CADPS2: variants seen among roughly 807,000 people sequenced by gnomAD.
The protein encoded by CADPS2 is calcium-dependent secretion activator 2.
CADPS2 carries 93 observed loss-of-function variants against 172.5 expected under a neutral mutation model. That is an observed-to-expected ratio of 0.54 (90% CI 0.46 to 0.64). The LOEUF (loss-of-function observed/expected upper bound fraction) is 0.64, where lower values mean the gene tolerates loss of function less well. CADPS2 is among the 30% of genes least tolerant of loss of function. The pLI is 0.00. For missense variants in CADPS2, 1,420 were observed against 1,565.9 expected (o/e 0.91, Z 1.57); for synonymous variants, 546 against 555.2 (o/e 0.98, Z 0.23).
chr7:122,814,003 G>T (rs1456065196), intron 1 of CADPS2, among the ~76,000 whole-genome samples: 1 of 151,888 alleles, frequency 6.6e-6, no homozygotes, highest in Non-Finnish European at 1.5e-5. Flanking sequence ...GTGTATACAA[G>T]GACGTAAGGG....
chr7:122,756,448 A>T (rs2093164796), intron 1 of CADPS2, among the ~76,000 whole-genome samples: 1 of 152,200 alleles, frequency 6.6e-6, no homozygotes, highest in African/African-American at 2.4e-5. Context: ...TAGGAAAGAG[A>T]TGTCAAAATT....
intron 1 of CADPS2, among the ~76,000 whole-genome samples, chr7:122,766,900 T>A (rs1240522505): frequency 6.6e-6 from 1 of 152,122 alleles, no homozygotes; most frequent in African/African-American, 2.4e-5. Flanking sequence ...CAAAGCTGTA[T>A]TTCCTACATA....
intron 3 of CADPS2, among the ~76,000 whole-genome samples, chr7:122,654,709 C>A (rs2079543565): frequency 6.6e-6 from 1 of 152,136 alleles, no homozygotes; most frequent in Admixed American, 6.6e-5. Context: ...TTCATGCCTG[C>A]TAACATAAGA....
At chr7:122,724,189 A>C (rs182282431) in intron 2 of CADPS2, among the ~76,000 whole-genome samples, 9 of 152,074 alleles carry the variant, frequency 5.9e-5, no homozygotes, top group African/African-American at 2.2e-4. Flanking sequence ...ATAATTGAAA[A>C]ATTAAAAAAT....
chr7:122,834,433 TGGGTGCAGGACAGC>T (rs1196434408), intron 1 of CADPS2, among the ~76,000 whole-genome samples: 1 of 151,950 alleles, frequency 6.6e-6, no homozygotes, highest in Non-Finnish European at 1.5e-5. Context: ...TGTCAAACAG[TGGGTGCAGGACAGC>T]GGGTGCAGCC....
In CADPS2 at chr7:122,492,988, G is replaced by C. The variant is rs559633309; in HGVS notation, c.1543-1568C>G. On this transcript the variant is annotated intron_variant, in intron 9 of 29. Coordinates refer to ENST00000449022, the MANE Select transcript of CADPS2 (RefSeq NM_017954.11). ...TAAGGAAACATAGTACCTTTCAATA[G>C]ACAGTGATTACTTCAATAGGACCCC... 1.8e-3 allele frequency among the ~76,000 whole-genome samples: 273 copies of C among 152,184 alleles called. 2 individuals are homozygous for C. The highest frequency in any genetic ancestry group is 6.3e-3 in the African/African-American group (260 of 41,520).
At chr7:122,668,097 A>G (rs1195772447) in intron 2 of CADPS2, among the ~76,000 whole-genome samples, 1 of 152,202 alleles carries the variant, frequency 6.6e-6, no homozygotes, top group Admixed American at 6.5e-5. Context: ...TTATCACATG[A>G]ACACAACAGA....
At chr7:122,423,484 A>G (rs962784167) in intron 17 of CADPS2, among the ~76,000 whole-genome samples, 1 of 152,142 alleles carries the variant, frequency 6.6e-6, no homozygotes, top group African/African-American at 2.4e-5. Flanking sequence ...CCAAAAGCCA[A>G]CTTACTTTTT....
rs954576296 is a variant in CADPS2, at chr7:122,653,101, T to G, written c.786+10136A>C. Among the ~76,000 whole-genome samples, 10 of 152,172 alleles carry G rather than the reference T, an allele frequency of 6.6e-5. No homozygotes were observed. In the South Asian group the frequency reaches 1.4e-3, roughly 22 times the overall value. On this transcript the variant is annotated intron_variant, in intron 3 of 29. Coordinates refer to ENST00000449022, the MANE Select transcript of CADPS2 (RefSeq NM_017954.11). The stretch of plus-strand genomic sequence containing the variant: ...ATGTGGCAGCCCTGGCAAGGCTCCC[T>G]TCCCATTCGTGTCCTTTCCTTCTTG...
Position 122,532,213 on chromosome 7 carries a change from G to A in CADPS2, c.1476-18898C>T, listed in dbSNP as rs188849070. Among the ~76,000 whole-genome samples the A allele has an allele frequency of 2.1e-3, 315 of 152,110 alleles. 3 individuals are homozygous for A. The highest frequency in any genetic ancestry group is 3.7e-3 in the Non-Finnish European group (254 of 67,968). On this transcript the variant is annotated intron_variant, in intron 8 of 29. Coordinates refer to ENST00000449022, the MANE Select transcript of CADPS2 (RefSeq NM_017954.11). ...TCAAATTGTTCCTTTTTGAGGAGGA[G>A]ATAAAAATGACCATTCAACTAACTA...
chr7:122,675,783 C>T (rs2471181), intron 2 of CADPS2, among the ~76,000 whole-genome samples: 21,298 of 151,960 alleles, frequency 0.14, 1,580 homozygotes, highest in Non-Finnish European at 0.16. Context: ...AACACATGCA[C>T]GCAGGGAGGG....
chr7:122,364,561 C>T (rs1392274783), intron 25 of CADPS2, among the ~76,000 whole-genome samples: 1 of 151,396 alleles, frequency 6.6e-6, no homozygotes, highest in African/African-American at 2.4e-5. Flanking sequence ...CTCATCTCTA[C>T]TAAAAATACA....
At chr7:122,792,229 C>G (rs963412772) in intron 1 of CADPS2, among the ~76,000 whole-genome samples, 8 of 152,146 alleles carry the variant, frequency 5.3e-5, no homozygotes, top group East Asian at 1.9e-4. Context: ...GTGTCCTCCC[C>G]CAAAATTCAT....
intron 1 of CADPS2, among the ~76,000 whole-genome samples, chr7:122,864,119 A>G (rs141513963): frequency 1.2e-3 from 188 of 152,302 alleles, no homozygotes; most frequent in African/African-American, 4.2e-3. Context: ...ATAGAACATA[A>G]AACAATCAAC....
intron 1 of CADPS2, among the ~76,000 whole-genome samples, chr7:122,841,293 C>T (rs1810415797): frequency 6.6e-6 from 1 of 151,908 alleles, no homozygotes; most frequent in African/African-American, 2.4e-5. Context: ...TACAAAGTAC[C>T]AATCATTAAA....
chr7:122,467,324 C>T (rs551590736), intron 14 of CADPS2, among the ~76,000 whole-genome samples: 71 of 152,244 alleles, frequency 4.7e-4, no homozygotes, highest in Non-Finnish European at 7.6e-4. Flanking sequence ...GATGATCCTA[C>T]GTGATGCAAT....
chr7:122,576,683 T>C (rs1433105735), intron 7 of CADPS2, among the ~76,000 whole-genome samples: 1 of 152,044 alleles, frequency 6.6e-6, no homozygotes, highest in Non-Finnish European at 1.5e-5. Flanking sequence ...TTTCCACAAG[T>C]CAAGGGAGAG....
chr7:122,448,307 G>A (rs570772347), intron 15 of CADPS2, among the ~76,000 whole-genome samples: 69 of 151,950 alleles, frequency 4.5e-4, no homozygotes, highest in African/African-American at 7.7e-4. Context: ...CATGAGACTC[G>A]CTCATCATCA....
Position 122,582,111 on chromosome 7 carries a change from C to A in CADPS2, c.1224-821G>T, listed in dbSNP as rs1226822124. 2.0e-5 allele frequency among the ~76,000 whole-genome samples: 3 copies of A among 151,776 alleles called. No individual in the cohort carries two copies. The East Asian group carries it at 5.8e-4, about 29-fold the overall frequency. ...ACAGCATGAAGAAGATGCCATTGAG[C>A]AAAATACCAGAGAAAAAAATGAGAT... is the stretch of plus-strand genomic sequence containing the variant. On this transcript the variant is annotated intron_variant, in intron 6 of 29. Transcript: ENST00000449022.
Sources: allele counts gnomAD v4.1 joint callset (sites outside exome capture counted in the v4.1 genomes callset), GRCh38; gene constraint gnomAD v4.1.1; transcripts MANE v1.5; gene names NCBI Gene and HGNC (gene_info 2026-07-23, HGNC 2026-07-21).